TTN: variants seen among roughly 807,000 people sequenced by gnomAD.
TTN encodes titin.
In TTN, 1,525 loss-of-function variants were observed where a neutral mutation model predicts 3,223.0. The observed-to-expected ratio is 0.47, with a 90% CI of 0.45 to 0.49. The LOEUF (loss-of-function observed/expected upper bound fraction) is 0.49. TTN is among the 20% of genes least tolerant of loss of function. The pLI, the probability that TTN is intolerant of heterozygous loss-of-function variation, is 0.00. For missense variants in TTN, 40,786 were observed against 43,424.0 expected (o/e 0.94, Z 5.40); for synonymous variants, 14,094 against 15,161.0 (o/e 0.93, Z 5.17).
chr2:178,579,405 C>A lies in TTN; in HGVS notation c.67637-12G>T. 1 of 1,555,924 alleles carries A rather than the reference C, an allele frequency of 6.4e-7. No homozygotes were observed. Among genetic ancestry groups the A allele is most frequent in the South Asian group, 1.2e-5 (1 of 82,028 alleles). On this transcript the variant is annotated splice_polypyrimidine_tract_variant and intron_variant, in intron 319 of 362. Coordinates refer to ENST00000589042, the MANE Select transcript of TTN (RefSeq NM_001267550.2). ...AAGATCAGGAGCCACTGTAAAATAG[C>A]AGAGATAAATTACTGTTATTTTTAA...
intron 47 of TTN, chr2:178,748,767 C>A (rs147884688): frequency 1.2e-6 from 2 of 1,612,096 alleles, no homozygotes; most frequent in Non-Finnish European, 1.7e-6. Flanking sequence ...CTTTCTTGTG[C>A]GTCAAATTCT....
rs1432294105 is a variant in TTN, at chr2:178,611,773, T to C, written c.50536A>G (p.Ile16846Val). The change falls in exon 268 of 363, where the codon ATT (isoleucine) becomes GTT (valine). Residue 16846 changes from isoleucine to valine, a missense_variant. Ile to Val is a conservative substitution (Grantham distance 29). Coordinates refer to ENST00000589042, the MANE Select transcript of TTN (RefSeq NM_001267550.2). ...CACTACTTACTTGTTGGATCTTCAA[T>C]GGATAGGATTTCTGTGGGTTCACTT... is the stretch of plus-strand genomic sequence containing the variant. ...HPSEPTEILS[I>V]EDPTSPPSPP... 4 of 1,611,912 alleles carry C rather than the reference T, an allele frequency of 2.5e-6. No individual in the cohort carries two copies. The highest frequency in any genetic ancestry group is 2.7e-5 in the African/African-American group (2 of 74,790).
rs760325886 is a variant in TTN at position 178,745,999 on chromosome 2, GA to G, written c.11312-4079del. 13 of 1,612,784 alleles carry G rather than the reference GA, an allele frequency of 8.1e-6. 1 individual carries two copies. The South Asian group carries it at 1.4e-4, about 18-fold the overall frequency. On this transcript the variant is annotated intron_variant, in intron 47 of 362. Coordinates refer to ENST00000589042, the MANE Select transcript of TTN (RefSeq NM_001267550.2). ...ATATTTCAGAATCTCCCATGGTGAG[GA>G]ATCCCCGACAGATAGCCTCTCCTAC...
In TTN at chr2:178,594,629, C is replaced by T. The variant is rs1031046164; in HGVS notation, c.57865G>A (p.Glu19289Lys). The change falls in exon 296 of 363, where the codon GAA (glutamate) becomes AAA (lysine). Residue 19289 changes from glutamate to lysine, a missense_variant. Coordinates refer to ENST00000589042, the MANE Select transcript of TTN (RefSeq NM_001267550.2). ...GTAACTTCTTTGACTTCCAGGTCTTCAGGACGCTCTGGTACAGCTGCGAAT... is the reference window on the plus strand; with the variant it reads ...GTAACTTCTTTGACTTCCAGGTCTTTAGGACGCTCTGGTACAGCTGCGAAT... ...REPITVPERP[E>K]DLEVKEVTKN... 1 of 1,609,592 alleles carries T rather than the reference C, an allele frequency of 6.2e-7. No homozygotes were observed. Among genetic ancestry groups the T allele is most frequent in the African/African-American group, 1.3e-5 (1 of 74,718 alleles).
chr2:178,632,392 G>T lies in TTN; in HGVS notation c.43502C>A (p.Thr14501Asn), dbSNP rs115825044. Residue 14501 changes from threonine to asparagine, a missense_variant, in exon 236 of 363, where the codon ACC (threonine) becomes AAC (asparagine). Coordinates refer to ENST00000589042, the MANE Select transcript of TTN (RefSeq NM_001267550.2). ...TTTGGCAGTTACATCTTTGAGAGGGGTGAGGAATTTGAGCCGGATTCCTAT... is the reference window on the plus strand; with the variant it reads ...TTTGGCAGTTACATCTTTGAGAGGGTTGAGGAATTTGAGCCGGATTCCTAT... ...IIEGIRLKFL[T>N]PLKDVTAKEK... 19 of 1,592,886 alleles carry T rather than the reference G, an allele frequency of 1.2e-5. No homozygotes were observed. The East Asian group carries it at 2.9e-4, about 25-fold the overall frequency.
At position 178,530,237 on chromosome 2, in the gene TTN, T is replaced by A; in HGVS notation, c.106374+4A>T. On this transcript the variant is annotated splice_donor_region_variant and intron_variant, in intron 358 of 362. Coordinates refer to ENST00000589042, the MANE Select transcript of TTN (RefSeq NM_001267550.2). ...AAAGAAAGAGACATTTAAGAACTGG[T>A]TACCTTTCCATCTTTTGTCCAGATG... 1 of 1,589,480 alleles carries A rather than the reference T, an allele frequency of 6.3e-7. No homozygotes were observed. Among genetic ancestry groups the A allele is most frequent in the Non-Finnish European group, 8.6e-7 (1 of 1,169,212 alleles).
chr2:178,803,240 T>G (rs1254151517), intron 2 of TTN, among the ~76,000 whole-genome samples: 1 of 152,170 alleles, frequency 6.6e-6, no homozygotes, highest in African/African-American at 2.4e-5. Context: ...TTGGACTGAT[T>G]TATGGGTATT....
chr2:178,613,252 TTTC>T lies in TTN; in HGVS notation c.49554_49556del (p.Lys16520del). 6.2e-7 allele frequency: 1 copy of T among 1,610,812 alleles called. No homozygotes were observed. Among genetic ancestry groups the T allele is most frequent in the Non-Finnish European group, 8.5e-7 (1 of 1,178,634 alleles). ...CAGCCAACACACGGAATCTGTATTTTTTCTTATTAGTGAGACCTTTCACTCTGA... is the reference window on the plus strand; with the variant it reads ...CAGCCAACACACGGAATCTGTATTTTTTATTAGTGAGACCTTTCACTCTGA... On this transcript the variant is annotated inframe_deletion, in exon 264 of 363. Coordinates refer to ENST00000589042, the MANE Select transcript of TTN (RefSeq NM_001267550.2).
At position 178,576,708 on chromosome 2, in the gene TTN, C is replaced by T; in HGVS notation, c.69536G>A (p.Arg23179Lys). The change falls in exon 325 of 363, where the codon AGA becomes AAA. Residue 23179 changes from arginine (R) to lysine (K), a missense_variant. By Grantham distance (26) the Arg-to-Lys change is conservative. Coordinates refer to ENST00000589042, the MANE Select transcript of TTN (RefSeq NM_001267550.2). The surrounding 1 kb of genome is among the most constrained non-coding windows in gnomAD (Gnocchi z 4.3). ...CACCCATCGCAGGCTTTTCTTTTCTCTCCTTTCTACATGATATCCTGTAAT... is the reference window on the plus strand; with the variant it reads ...CACCCATCGCAGGCTTTTCTTTTCTTTCCTTTCTACATGATATCCTGTAAT... ...SEITGYHVERREKKSLRWVRA... is the reference protein window; with the variant it reads ...SEITGYHVERKEKKSLRWVRA... 2.5e-6 allele frequency: 4 copies of T among 1,613,494 alleles called. No individual in the cohort carries two copies. The Middle Eastern group carries it at 6.6e-4, about 266-fold the overall frequency.
In TTN at chr2:178,640,529, G is replaced by A; in HGVS notation, c.40723+12C>T. 3 of 1,599,058 alleles carry A rather than the reference G, an allele frequency of 1.9e-6. No individual in the cohort carries two copies. Among genetic ancestry groups the A allele is most frequent in the South Asian group, 1.1e-5 (1 of 89,002 alleles). ...TTTTTAGAGACAACTAAGAATGACA[G>A]TAGATTTGTACCTTTTGTTGGTTCA... On this transcript the variant is annotated intron_variant, in intron 221 of 362. Transcript: ENST00000589042.
At chr2:178,660,622 G>C (rs1399053168) in intron 180 of TTN, among the ~76,000 whole-genome samples, 181 of 150,142 alleles carry the variant, frequency 1.2e-3, no homozygotes, top group African/African-American at 4.1e-3. Context: ...GCATGGGCAA[G>C]GACTTCATGT....
In TTN at chr2:178,586,570, C is replaced by T. The variant is rs775693601; in HGVS notation, c.64331G>A (p.Arg21444Lys). ...GKKYKFRVAA[R>K]NAVGVSLPRE... ...TGGCAAACTGACTCCAACAGCATTT[C>T]TGGCCGCTACTCTAAATTTGTATTT... The change falls in exon 308 of 363, where the codon AGA (arginine) becomes AAA (lysine). Residue 21444 changes from arginine (R) to lysine (K), a missense_variant. Physicochemically the swap from Arg to Lys is conservative, Grantham distance 26 (BLOSUM62 2). Coordinates refer to ENST00000589042, the MANE Select transcript of TTN (RefSeq NM_001267550.2). 6.2e-7 allele frequency: 1 copy of T among 1,613,274 alleles called. No individual in the cohort carries two copies. The highest frequency in any genetic ancestry group is 1.1e-5 in the South Asian group (1 of 91,068).
Position 178,591,072 on chromosome 2 carries a change from G to A in TTN, c.60653C>T (p.Thr20218Met), listed in dbSNP as rs375155937. The change falls in exon 304 of 363, where the codon ACG becomes ATG. Residue 20218 changes from threonine (T) to methionine (M), a missense_variant. Physicochemically the swap from Thr to Met is moderately conservative, Grantham distance 81. Coordinates refer to ENST00000589042, the MANE Select transcript of TTN (RefSeq NM_001267550.2). ...IVEKQDTRKD[T>M]WGVVSSGSSK... Reference sequence around the variant, plus strand: ...GCTTCCGGAAGAGACAACACCCCACGTGTCTTTCCTTGTATCTTGTTTCTC... The same window carrying A: ...GCTTCCGGAAGAGACAACACCCCACATGTCTTTCCTTGTATCTTGTTTCTC... 9.3e-6 allele frequency: 15 copies of A among 1,613,214 alleles called. No homozygotes were observed. Among genetic ancestry groups the A allele is most frequent in the African/African-American group, 2.7e-5 (2 of 74,864 alleles).
intron 282 of TTN, among the ~76,000 whole-genome samples, chr2:178,603,297 A>G (rs913982657): frequency 6.6e-6 from 1 of 152,000 alleles, no homozygotes; most frequent in African/African-American, 2.4e-5. Context: ...TTTTTCTTCT[A>G]TAGAGAATCT....
chr2:178,528,440 A>G lies in TTN; in HGVS notation c.107224-13T>C. ...AAGAAATAGAAATCTAAGACAAAGG[A>G]AAAAGAAAAGAAATGTTGAAGTTCT... On this transcript the variant is annotated splice_polypyrimidine_tract_variant and intron_variant, in intron 360 of 362. Transcript: ENST00000589042. 6.2e-7 allele frequency: 1 copy of G among 1,607,922 alleles called. No individual in the cohort carries two copies. The highest frequency in any genetic ancestry group is 8.5e-7 in the Non-Finnish European group (1 of 1,177,810).
At chr2:178,546,959 A>G in intron 340 of TTN, 44 bp downstream of exon 340, 1 of 1,584,072 alleles carries the variant, frequency 6.3e-7, no homozygotes, top group Non-Finnish European at 8.6e-7. Context: ...TTCTACTAGA[A>G]TCAGTAATAA....
intron 164 of TTN, 71 bp downstream of exon 164, chr2:178,665,637 C>T (rs2065798052): frequency 7.8e-7 from 1 of 1,273,954 alleles, no homozygotes; most frequent in African/African-American, 1.5e-5. Flanking sequence ...TATTATTCTC[C>T]AGTTCCCTAG....
chr2:178,554,604 C>A lies in TTN; in HGVS notation c.88743G>T (p.Trp29581Cys). The A allele has an allele frequency of 1.2e-6, 2 of 1,613,898 alleles. No homozygotes were observed. ...CTTCCAAATGTTCAGACACCATAGA[C>A]CACACAACGCGGCTTGTCTCACGCT... ...VEKRETSRVVWSMVSEHLEEC... is the reference protein window; with the variant it reads ...VEKRETSRVVCSMVSEHLEEC... Residue 29581 changes from tryptophan (W) to cysteine (C), a missense_variant, in exon 332 of 363, where the codon TGG (tryptophan) becomes TGT (cysteine). By Grantham distance (215) the Trp-to-Cys change is radical. Transcript: ENST00000589042.
chr2:178,543,937 C>T lies in TTN; in HGVS notation c.96207G>A (p.Leu32069=). ...ACCGATTAACTTTGTCCACTATTAG[C>T]AATGAGTAGCTCTCAGTGGTGTCAA... ...AIIDTTESYS[L]LIVDKVNRYD... Residue 32069 remains leucine (L), a synonymous_variant, in exon 346 of 363, where the codon TTG becomes TTA. Transcript: ENST00000589042. 2 of 1,613,714 alleles carry T rather than the reference C, an allele frequency of 1.2e-6. No individual in the cohort carries two copies. Among genetic ancestry groups the T allele is most frequent in the Non-Finnish European group, 1.7e-6 (2 of 1,179,712 alleles).
Sources: allele counts gnomAD v4.1 joint callset (sites outside exome capture counted in the v4.1 genomes callset), GRCh38; gene constraint gnomAD v4.1.1; non-coding constraint Gnocchi (gnomAD v3.1); transcripts MANE v1.5; gene names NCBI Gene and HGNC (gene_info 2026-07-23, HGNC 2026-07-21).